HDGFL2: variants seen among roughly 807,000 people sequenced by gnomAD.
The protein encoded by HDGFL2 is HDGF like 2, also known as hepatoma-derived growth factor-related protein 2.
HDGFL2 carries 36 observed loss-of-function variants against 77.1 expected under a neutral mutation model. The observed-to-expected ratio is 0.47, with a 90% CI of 0.36 to 0.62. HDGFL2 has a LOEUF of 0.62. HDGFL2 is among the 20% of genes least tolerant of loss of function. The probability of loss-of-function intolerance (pLI) is 0.00; values close to 1 mark genes in which losing one functional copy is unlikely to be tolerated. For missense variants in HDGFL2, 976 were observed against 973.4 expected, an observed-to-expected ratio of 1.00 and a Z score of -0.04; for synonymous variants, 463 against 413.1, an observed-to-expected ratio of 1.12 and a Z score of -1.46.
chr19:4,501,442 C>CG, intron 15 of HDGFL2, 125 bp downstream of exon 15: 1 of 1,177,916 alleles, frequency 8.5e-7, no homozygotes, highest in Non-Finnish European at 1.1e-6. Flanking sequence ...CGTCCTTACT[C>CG]GGGCCTCCCA....
At position 4,494,239 on chromosome 19, in the gene HDGFL2, C is replaced by T; in HGVS notation, c.988C>T (p.Arg330Trp). Reference sequence around the variant, plus strand: ...GGCGCGGAGGCGCGAGCTGGAGGCCCGGCGGCGGCGAGAGCAGGAGGAGGA... The same window carrying T: ...GGCGCGGAGGCGCGAGCTGGAGGCCTGGCGGCGGCGAGAGCAGGAGGAGGA... ...DEARRRELEA[R>W]RRREQEEELR... The change falls in exon 9 of 16, where the codon CGG becomes TGG. Residue 330 changes from arginine to tryptophan, a missense_variant. Physicochemically the swap from Arg to Trp is moderately radical, Grantham distance 101. Around this residue, in one of 5 missense-constraint regions of HDGFL2, gnomAD observed 567 missense variants for 534.7 expected, o/e 1.06. Transcript: ENST00000616600. The T allele has an allele frequency of 6.9e-7, 1 of 1,459,382 alleles. No homozygotes were observed. Among genetic ancestry groups the T allele is most frequent in the Non-Finnish European group, 9.0e-7 (1 of 1,109,226 alleles). 90.4% of individuals were successfully genotyped at this position (1,459,382 alleles called of 1,614,324 possible).
chr19:4,478,197 GTTTTT>G (rs113038095), intron 3 of HDGFL2, among the ~76,000 whole-genome samples: 1 of 140,480 alleles, frequency 7.1e-6, no homozygotes, highest in Non-Finnish European at 1.5e-5. Flanking sequence ...GGATGCTGCT[GTTTTT>G]TTTTTTTTGT....
At chr19:4,491,422 G>A (rs560537447) in intron 4 of HDGFL2, 144 bp from the exon 5 acceptor site, 1 of 672,490 alleles carries the variant, frequency 1.5e-6, no homozygotes, top group Non-Finnish European at 2.6e-6. Context: ...AAGATCCCTG[G>A]TTTGATCAGG....
intron 1 of HDGFL2, among the ~76,000 whole-genome samples, chr19:4,472,917 C>T (rs1480787574): frequency 1.4e-5 from 2 of 147,498 alleles, no homozygotes; most frequent in East Asian, 2.1e-4. Flanking sequence ...CCCTGGGCCT[C>T]AGGGGGCCGC....
chr19:4,474,225 G>A, intron 1 of HDGFL2, among the ~76,000 whole-genome samples: 1 of 152,088 alleles, frequency 6.6e-6, no homozygotes, highest in Non-Finnish European at 1.5e-5. Flanking sequence ...GGCTGTGGAG[G>A]GGGACACCAA....
At chr19:4,498,632 C>A (rs564504307) in intron 12 of HDGFL2, among the ~76,000 whole-genome samples, 182 bp from the exon 13 acceptor site, 66 of 152,204 alleles carry the variant, frequency 4.3e-4, no homozygotes, top group Admixed American at 8.5e-4. Context: ...GTACCTGGGA[C>A]CCCAAGTATC....
At chr19:4,473,335 G>T (rs1390378561) in intron 1 of HDGFL2, among the ~76,000 whole-genome samples, 1 of 151,558 alleles carries the variant, frequency 6.6e-6, no homozygotes, top group Non-Finnish European at 1.5e-5. Flanking sequence ...GGGGATCTGG[G>T]GTTGCCCTGG....
At position 4,498,356 on chromosome 19, in the gene HDGFL2, G is replaced by T. The variant is rs550010720; in HGVS notation, c.1453G>T (p.Ala485Ser). The T allele has an allele frequency of 5.0e-6, 8 of 1,613,776 alleles. No individual in the cohort carries two copies. The South Asian group carries it at 7.7e-5, about 16-fold the overall frequency. ...LQKLHSEIKF[A>S]LKVDSPDVKR... Reference sequence around the variant, plus strand: ...GAAGCTGCACAGTGAGATCAAGTTTGCCCTAAAGGTCGACAGCCCGGTAAG... The same window carrying T: ...GAAGCTGCACAGTGAGATCAAGTTTTCCCTAAAGGTCGACAGCCCGGTAAG... Residue 485 changes from alanine (A) to serine (S), a missense_variant, in exon 12 of 16, where the codon GCC becomes TCC. Ala to Ser is a moderately conservative substitution (Grantham distance 99, BLOSUM62 1). This residue lies in a region of HDGFL2 where 46 missense variants were observed against 81.3 expected (regional missense o/e 0.57). Coordinates refer to ENST00000616600, the MANE Select transcript of HDGFL2 (RefSeq NM_001001520.3).
intron 3 of HDGFL2, among the ~76,000 whole-genome samples, chr19:4,479,023 G>C (rs1045639548): frequency 4.0e-5 from 6 of 151,754 alleles, no homozygotes; most frequent in African/African-American, 1.5e-4. Flanking sequence ...AGCAGAATGA[G>C]ACTCAAGGGG....
Position 4,491,845 on chromosome 19 carries a change from A to G in HDGFL2, c.678+10A>G, listed in dbSNP as rs1029572054. 1.9e-6 allele frequency: 3 copies of G among 1,612,802 alleles called. No individual in the cohort carries two copies. Among genetic ancestry groups the G allele is most frequent in the South Asian group, 1.1e-5 (1 of 91,048 alleles). ...GGGACGGAAAAAAAAGGTAGCGTGC[A>G]CTTGACTTTGTTTCCCATGCCCACT... On this transcript the variant is annotated intron_variant, in intron 6 of 15. Transcript: ENST00000616600.
Position 4,501,954 on chromosome 19 carries a change from C to G in HDGFL2, c.1960C>G (p.Arg654Gly), listed in dbSNP as rs540098055. 5.3e-6 allele frequency: 8 copies of G among 1,501,100 alleles called. No homozygotes were observed. The African/African-American group carries it at 1.1e-4, about 21-fold the overall frequency. 93.0% of individuals were successfully genotyped at this position (1,501,100 alleles called of 1,614,324 possible). A position where few individuals can be genotyped will look rare whatever the true frequency, so the allele number is the denominator to read the frequency against. ...CGACCTGGACAGGCCTGGGAGCGAC[C>G]GGCAGGAGCGCGAGAGGGCACGGGG... ...GPDLDRPGSD[R>G]QERERARGDS... Residue 654 changes from arginine (R) to glycine (G), a missense_variant, in exon 16 of 16, where the codon CGG (arginine) becomes GGG (glycine). Physicochemically the swap from Arg to Gly is moderately radical, Grantham distance 125 (BLOSUM62 -2). Around this residue, in one of 5 missense-constraint regions of HDGFL2, gnomAD observed 229 missense variants for 187.3 expected, o/e 1.22. Transcript: ENST00000616600.
chr19:4,486,058 A>C (rs1302243338), intron 3 of HDGFL2, among the ~76,000 whole-genome samples: 1 of 150,522 alleles, frequency 6.6e-6, no homozygotes, highest in Non-Finnish European at 1.5e-5. Context: ...GTCTCAAAAA[A>C]AAAAAAAAAA....
chr19:4,482,243 T>C (rs1159135682), intron 3 of HDGFL2, among the ~76,000 whole-genome samples: 3 of 151,420 alleles, frequency 2.0e-5, no homozygotes, highest in Admixed American at 6.6e-5. Context: ...GGAGTCTCGC[T>C]CTGTTGCCCA....
chr19:4,494,289 G>C lies in HDGFL2; in HGVS notation c.1038G>C (p.Glu346Asp). 1 of 1,445,360 alleles carries C rather than the reference G, an allele frequency of 6.9e-7. No homozygotes were observed. The highest frequency in any genetic ancestry group is 2.8e-5 in the East Asian group (1 of 36,314). The allele number at this position is 1,445,360 out of a possible 1,614,324, so 89.5% of individuals were successfully genotyped here. Residue 346 changes from glutamate to aspartate, a missense_variant, in exon 9 of 16, where the codon GAG becomes GAC. Coordinates refer to ENST00000616600, the MANE Select transcript of HDGFL2 (RefSeq NM_001001520.3). ...AGCTGCGGCGCCTGCGGGAGCAGGA[G>C]AAGGAGGAGAAGGAGCGGAGGCGCG... The part of the protein sequence containing the change: ...EEELRRLREQ[E>D]KEEKERRRER...
intron 1 of HDGFL2, among the ~76,000 whole-genome samples, chr19:4,473,104 G>T (rs916023165): frequency 8.6e-5 from 13 of 151,512 alleles, no homozygotes; most frequent in Non-Finnish European, 1.6e-4. Context: ...CGACGGTCTG[G>T]GGGTCCCGGG....
At chr19:4,501,500 C>G in intron 15 of HDGFL2, 183 bp downstream of exon 15, 2 of 653,460 alleles carry the variant, frequency 3.1e-6, no homozygotes, top group Non-Finnish European at 4.8e-6. Flanking sequence ...TTCCGGCGGC[C>G]CCTACAGAGA....
chr19:4,498,087 C>T (rs914877406), intron 11 of HDGFL2, 56 bp downstream of exon 11: 56 of 1,476,250 alleles, frequency 3.8e-5, no homozygotes, highest in Non-Finnish European at 4.9e-5. Context: ...GGAACGGGGA[C>T]AGCCGTGGCG....
intron 3 of HDGFL2, among the ~76,000 whole-genome samples, chr19:4,480,852 T>C (rs539856631): frequency 6.6e-6 from 1 of 152,116 alleles, no homozygotes; most frequent in Admixed American, 6.6e-5. Context: ...AGTTTCCTTA[T>C]TTTTTATTAT....
intron 3 of HDGFL2, among the ~76,000 whole-genome samples, chr19:4,481,023 ATT>A (rs35117226): frequency 9.6e-4 from 127 of 132,596 alleles, no homozygotes; most frequent in Middle Eastern, 3.8e-3. Flanking sequence ...AACCCGGCTA[ATT>A]TTTTTTTTTT....
Sources: allele counts gnomAD v4.1 joint callset (sites outside exome capture counted in the v4.1 genomes callset), GRCh38; gene constraint gnomAD v4.1.1; regional missense constraint gnomAD v4.1.1; transcripts MANE v1.5; gene names NCBI Gene and HGNC (gene_info 2026-07-23, HGNC 2026-07-21).